The following CTSA variants were observed in gnomAD, a reference collection of about 807,000 sequenced individuals.
CTSA encodes the protein lysosomal protective protein.
Under a neutral mutation model 66.7 loss-of-function variants are expected in CTSA, and 42 were observed. The ratio of observed to expected loss-of-function variants is 0.63; its 90% CI spans 0.49 to 0.81. CTSA has a LOEUF of 0.81. Ranked by LOEUF, CTSA falls within the 40% of genes least tolerant of loss-of-function variation. The probability of loss-of-function intolerance (pLI) is 0.00; values close to 1 mark genes in which losing one functional copy is unlikely to be tolerated. For synonymous variants in CTSA, 225 were observed against 248.6 expected, an observed-to-expected ratio of 0.91 and a Z score of 0.89; for missense variants, 525 against 610.9, an observed-to-expected ratio of 0.86 and a Z score of 1.48.
chr20:45,891,800 A>T lies in CTSA; in HGVS notation c.194+38A>T. 1.2e-6 allele frequency: 2 copies of T among 1,613,522 alleles called. No homozygotes were observed. The highest frequency in any genetic ancestry group is 1.7e-6 in the Non-Finnish European group (2 of 1,179,702). On this transcript the variant is annotated intron_variant, in intron 2 of 14. Coordinates refer to ENST00000646241, the MANE Select transcript of CTSA (RefSeq NM_000308.4). The surrounding 1 kb of genome is among the most constrained non-coding windows in gnomAD (Gnocchi z 4.6). ...GCCTTCTGGGCGGGATTGGGAGAAG[A>T]GATGACGGATGAGGGATGGGGGGTA...
chr20:45,895,235 G>T, intron 11 of CTSA, 102 bp downstream of exon 11: 10 of 1,383,940 alleles, frequency 7.2e-6, no homozygotes, highest in Non-Finnish European at 9.2e-6. Flanking sequence ...TTCTCAATGA[G>T]ATGAGCTGTA....
chr20:45,897,281 G>A (rs1601148132), intron 12 of CTSA: 1 of 572,786 alleles, frequency 1.7e-6, no homozygotes, highest in East Asian at 3.0e-5. Context: ...GGTGAGAAGA[G>A]CTTCATTCAT....
chr20:45,897,604 TC>T, intron 12 of CTSA, 112 bp from the exon 13 acceptor site: 3 of 744,464 alleles, frequency 4.0e-6, no homozygotes, highest in Non-Finnish European at 7.4e-6. Flanking sequence ...ATTCCCTGGT[TC>T]GTGTTATCTA....
At chr20:45,894,601 G>A in intron 8 of CTSA, 49 bp from the exon 9 acceptor site, 1 of 1,515,882 alleles carries the variant, frequency 6.6e-7, no homozygotes. Flanking sequence ...GTGGGGTCGT[G>A]GAGAGGCTGG....
chr20:45,891,564 C>T lies in CTSA; in HGVS notation c.1-5C>T. ...AGTCAACAGCCCCTCTGCTGCCTCC[C>T]GTAGATGATCCGAGCCGCGCCGCCG... is the stretch of plus-strand genomic sequence containing the variant. On this transcript the variant is annotated splice_polypyrimidine_tract_variant and splice_region_variant and intron_variant, in intron 1 of 14. Coordinates refer to ENST00000646241, the MANE Select transcript of CTSA (RefSeq NM_000308.4). The surrounding 1 kb of genome is among the most constrained non-coding windows in gnomAD (Gnocchi z 4.6). 1.2e-6 allele frequency: 2 copies of T among 1,602,904 alleles called. No individual in the cohort carries two copies. Among genetic ancestry groups the T allele is most frequent in the Non-Finnish European group, 8.5e-7 (1 of 1,178,214 alleles).
At chr20:45,896,607 A>ATT (rs34590242) in intron 11 of CTSA, 4 of 279,694 alleles carry the variant, frequency 1.4e-5, no homozygotes, top group Non-Finnish European at 2.8e-5. Context: ...TAATTTTTGT[A>ATT]TTTTTTTTTT....
intron 12 of CTSA, 138 bp downstream of exon 12, chr20:45,897,178 T>G: frequency 2.6e-6 from 2 of 769,548 alleles, no homozygotes; most frequent in Non-Finnish European, 4.5e-6. Flanking sequence ...GTCCTGTGAT[T>G]GGTGGGGTCA....
Position 45,892,029 on chromosome 20 carries a change from T to A in CTSA, c.306+2T>A. On this transcript the variant is annotated splice_donor_variant, in intron 3 of 14. Transcript: ENST00000646241. LOFTEE classifies it high-confidence loss of function. Reference sequence around the variant, plus strand: ...CTCACAGAGCATGGCCCCTTCCTGGTGAGTGGACAGCAGGGGGAAAGCACA... The same window carrying A: ...CTCACAGAGCATGGCCCCTTCCTGGAGAGTGGACAGCAGGGGGAAAGCACA... The A allele has an allele frequency of 1.2e-6, 2 of 1,611,560 alleles. No individual in the cohort carries two copies. The highest frequency in any genetic ancestry group is 2.2e-5 in the South Asian group (2 of 91,020).
intron 11 of CTSA, chr20:45,896,517 C>G (rs2083108104): frequency 4.2e-6 from 1 of 240,700 alleles, no homozygotes; most frequent in Admixed American, 5.1e-5. Flanking sequence ...ACTGCAACCT[C>G]CGCCTCCCGG....
In CTSA at chr20:45,898,502, C is replaced by G. The variant is rs562582901; in HGVS notation, c.*52C>G. The G allele has an allele frequency of 1.3e-6, 2 of 1,537,510 alleles. No homozygotes were observed. Among genetic ancestry groups the G allele is most frequent in the African/African-American group, 1.4e-5 (1 of 73,532 alleles). On this transcript the variant is annotated 3_prime_UTR_variant, in exon 15 of 15. Coordinates refer to ENST00000646241, the MANE Select transcript of CTSA (RefSeq NM_000308.4). This position sits in a 1 kb window ranked among gnomAD's most constrained non-coding sequence, Gnocchi z 4.6. ...TGATGCAGCCCCTCCCAGCCTCTCCCGCTAGGAGAGTCCTCTTCTAAGCAA... is the reference window on the plus strand; with the variant it reads ...TGATGCAGCCCCTCCCAGCCTCTCCGGCTAGGAGAGTCCTCTTCTAAGCAA...
At chr20:45,893,154 G>A in intron 6 of CTSA, 66 bp from the exon 7 acceptor site, 1 of 1,377,712 alleles carries the variant, frequency 7.3e-7, no homozygotes, top group Non-Finnish European at 1.0e-6. Flanking sequence ...AGGTCTGGGT[G>A]GTAGGGTGAG....
Position 45,891,488 on chromosome 20 carries a change from G to A in CTSA, c.1-81G>A, listed in dbSNP as rs1986901930. ...CTGGGGCCGGGGCTTCCCTCGCGGA[G>A]GCGCCGCCAGCAACTCCCCGGGGGC... On this transcript the variant is annotated intron_variant, in intron 1 of 14. Coordinates refer to ENST00000646241, the MANE Select transcript of CTSA (RefSeq NM_000308.4). This position sits in a 1 kb window ranked among gnomAD's most constrained non-coding sequence, Gnocchi z 4.6. 1.3e-6 allele frequency: 2 copies of A among 1,548,252 alleles called. No individual in the cohort carries two copies. The highest frequency in any genetic ancestry group is 8.7e-7 in the Non-Finnish European group (1 of 1,147,228).
chr20:45,896,035 AAATACAAC>A (rs1238826936), intron 11 of CTSA, among the ~76,000 whole-genome samples: 1 of 152,124 alleles, frequency 6.6e-6, no homozygotes, highest in Non-Finnish European at 1.5e-5. Context: ...TCTCTACTAA[AAATACAAC>A]AATTAGCCAG....
chr20:45,898,395 A>G lies in CTSA; in HGVS notation c.1388A>G (p.Lys463Arg), dbSNP rs1488804260. The change falls in exon 15 of 15, where the codon AAG becomes AGG. Residue 463 changes from lysine to arginine, a missense_variant. Lys to Arg is a conservative substitution (Grantham distance 26). Around this residue, in one of 3 missense-constraint regions of CTSA, gnomAD observed 274 missense variants for 321.1 expected, o/e 0.85. Coordinates refer to ENST00000646241, the MANE Select transcript of CTSA (RefSeq NM_000308.4). The surrounding 1 kb of genome is among the most constrained non-coding windows in gnomAD (Gnocchi z 4.6). Reference protein sequence around the residue: ...KGAGHMVPTDKPLAAFTMFSR... With the variant: ...KGAGHMVPTDRPLAAFTMFSR... Reference sequence around the variant, plus strand: ...GCCGGCCACATGGTTCCCACCGACAAGCCCCTCGCTGCCTTCACCATGTTC... The same window carrying G: ...GCCGGCCACATGGTTCCCACCGACAGGCCCCTCGCTGCCTTCACCATGTTC... The G allele has an allele frequency of 6.2e-7, 1 of 1,613,880 alleles. No individual in the cohort carries two copies. Among genetic ancestry groups the G allele is most frequent in the Admixed American group, 1.7e-5 (1 of 59,976 alleles).
intron 12 of CTSA, 42 bp downstream of exon 12, chr20:45,897,082 ACC>A (rs1261925149): frequency 2.0e-6 from 3 of 1,492,422 alleles, no homozygotes; most frequent in Non-Finnish European, 2.8e-6. Context: ...CAGCCTTAGG[ACC>A]CCAGAGTAGC....
chr20:45,893,403 C>T, intron 7 of CTSA, 92 bp downstream of exon 7: 1 of 967,020 alleles, frequency 1.0e-6, no homozygotes, highest in South Asian at 1.3e-5. Context: ...ACAGGCCCAG[C>T]CCAGGTTTAT....
chr20:45,893,023 G>T, intron 6 of CTSA, 143 bp downstream of exon 6: 1 of 1,058,036 alleles, frequency 9.5e-7, no homozygotes. Flanking sequence ...AGGTCTGTCT[G>T]TGTGCCTCCC....
chr20:45,897,708 C>A lies in CTSA; in HGVS notation c.1165-9C>A. ...CCACACCCCTCATTTTTACCCCATC[C>A]TGCTTTAGAAATACCAGATCCTATT... On this transcript the variant is annotated splice_polypyrimidine_tract_variant and intron_variant, in intron 12 of 14. Coordinates refer to ENST00000646241, the MANE Select transcript of CTSA (RefSeq NM_000308.4). 6.4e-7 allele frequency: 1 copy of A among 1,574,796 alleles called. No individual in the cohort carries two copies. The highest frequency in any genetic ancestry group is 8.7e-7 in the Non-Finnish European group (1 of 1,144,128).
intron 12 of CTSA, chr20:45,897,248 T>A (rs1227891676): frequency 1.6e-6 from 1 of 615,328 alleles, no homozygotes; most frequent in East Asian, 2.8e-5. Flanking sequence ...CCTAGGGGTC[T>A]GCATCAGCCA....
Sources: gnomAD v4.1 joint callset for allele counts (sites outside exome capture counted in the v4.1 genomes callset) on GRCh38, gnomAD v4.1.1 for gene constraint, gnomAD v4.1.1 regional missense constraint, Gnocchi (gnomAD v3.1) non-coding constraint, MANE v1.5 for transcripts, NCBI Gene and HGNC (gene_info 2026-07-23, HGNC 2026-07-21) for gene names.